HADHA: variants seen among roughly 807,000 people sequenced by gnomAD.
The protein encoded by HADHA is hydroxyacyl-CoA dehydrogenase trifunctional multienzyme complex subunit alpha.
Under a neutral mutation model 91.3 loss-of-function variants are expected in HADHA, and 59 were observed. The observed-to-expected ratio is 0.65, with a 90% confidence interval of 0.52 to 0.80. The LOEUF (loss-of-function observed/expected upper bound fraction) is 0.80, where lower values mean the gene tolerates loss of function less well. HADHA is among the 30% of genes least tolerant of loss of function. The pLI, the probability that HADHA is intolerant of heterozygous loss-of-function variation, is 0.00. For synonymous variants in HADHA, 320 were observed against 338.9 expected (o/e 0.94, Z 0.61); for missense variants, 800 against 927.6 (o/e 0.86, Z 1.79).
intron 1 of HADHA, among the ~76,000 whole-genome samples, chr2:26,242,578 G>A (rs565372477): frequency 2.0e-5 from 3 of 152,152 alleles, no homozygotes; most frequent in Admixed American, 1.3e-4. Flanking sequence ...AATATTTACT[G>A]AGTGCTTACT....
At chr2:26,223,511 G>C (rs966087562) in intron 7 of HADHA, among the ~76,000 whole-genome samples, 4 of 152,158 alleles carry the variant, frequency 2.6e-5, no homozygotes, top group African/African-American at 9.6e-5. Flanking sequence ...AAGGGGAGTA[G>C]AAATATCACC....
chr2:26,240,106 C>T (rs996857010), intron 1 of HADHA, among the ~76,000 whole-genome samples: 1 of 152,238 alleles, frequency 6.6e-6, no homozygotes, highest in Non-Finnish European at 1.5e-5. Flanking sequence ...ATTCTGTCTA[C>T]AGTGATCCTT....
At chr2:26,216,394 C>A (rs1456054271) in intron 7 of HADHA, among the ~76,000 whole-genome samples, 2 of 136,482 alleles carry the variant, frequency 1.5e-5, no homozygotes, top group African/African-American at 5.6e-5. Context: ...GATCTTGGCT[C>A]ACTGCAACCT....
chr2:26,213,403 G>A (rs183170181), intron 9 of HADHA, among the ~76,000 whole-genome samples: 1 of 152,284 alleles, frequency 6.6e-6, no homozygotes, highest in East Asian at 1.9e-4. Context: ...TCGGACAAAG[G>A]TAAAATTTCT....
chr2:26,243,119 T>C (rs1196761327), intron 1 of HADHA: 1 of 152,236 alleles, frequency 6.6e-6, no homozygotes, highest in Non-Finnish European at 1.5e-5. Context: ...TCTCAATCAT[T>C]CATTTTGCAG....
chr2:26,194,422 G>C, intron 16 of HADHA, 148 bp downstream of exon 16: 1 of 711,976 alleles, frequency 1.4e-6, no homozygotes, highest in Non-Finnish European at 2.6e-6. Flanking sequence ...TCCGACTGCT[G>C]TGCAGAGAGA....
In HADHA at chr2:26,229,127, G is replaced by C. The variant is rs938908341; in HGVS notation, c.676+1065C>G. ...TGGCTGAGGGAGGAGGATTACTTGA[G>C]CCCGGAGTTTGAGACTAGCCTGGAA... is the stretch of plus-strand genomic sequence containing the variant. On this transcript the variant is annotated intron_variant, in intron 7 of 19. Transcript: ENST00000380649. The surrounding 1 kb of genome is among the most constrained non-coding windows in gnomAD (Gnocchi z 4.3). Among the ~76,000 whole-genome samples the C allele has an allele frequency of 6.0e-4, 92 of 152,210 alleles. No individual in the cohort carries two copies. Among genetic ancestry groups the C allele is most frequent in the African/African-American group, 2.1e-3 (89 of 41,522 alleles).
At chr2:26,240,974 G>A (rs1670874538) in intron 1 of HADHA, among the ~76,000 whole-genome samples, 2 of 152,136 alleles carry the variant, frequency 1.3e-5, no homozygotes, top group African/African-American at 4.8e-5. Context: ...TTCCAAACCA[G>A]AGTCAACCAA....
chr2:26,212,194 C>A, intron 10 of HADHA: 1 of 313,338 alleles, frequency 3.2e-6, no homozygotes, highest in East Asian at 8.5e-5. Flanking sequence ...TCAAACAATT[C>A]TCCTGCCTCA....
chr2:26,198,367 A>C (rs1224007647), intron 13 of HADHA, among the ~76,000 whole-genome samples: 2 of 89,770 alleles, frequency 2.2e-5, no homozygotes, highest in Admixed American at 1.3e-4. Flanking sequence ...CAACTTATTC[A>C]TGTTTTTTTT....
intron 15 of HADHA, 135 bp from the exon 16 acceptor site, chr2:26,194,773 G>T: frequency 1.4e-6 from 1 of 736,286 alleles, no homozygotes; most frequent in Non-Finnish European, 2.5e-6. Flanking sequence ...ATCTCAATCA[G>T]AATCCTTAAA....
intron 7 of HADHA, 97 bp from the exon 8 acceptor site, chr2:26,215,272 A>G (rs1670188385): frequency 9.1e-7 from 1 of 1,093,144 alleles, no homozygotes; most frequent in African/African-American, 1.5e-5. Flanking sequence ...GCCCTAGCAC[A>G]GCGTTCCATT....
In HADHA at chr2:26,214,626, T is replaced by C; in HGVS notation, c.800-65A>G. Reference sequence around the variant, plus strand: ...CCTAGATTCCCTTGTTAGTTTATGCTCTAAACTCTATAAAAATGAAGTAAT... The same window carrying C: ...CCTAGATTCCCTTGTTAGTTTATGCCCTAAACTCTATAAAAATGAAGTAAT... On this transcript the variant is annotated intron_variant, in intron 8 of 19. Transcript: ENST00000380649. This position sits in a 1 kb window ranked among gnomAD's most constrained non-coding sequence, Gnocchi z 4.1. 1.2e-6 allele frequency: 1 copy of C among 854,902 alleles called. No homozygotes were observed. Among genetic ancestry groups the C allele is most frequent in the South Asian group, 1.3e-5 (1 of 75,070 alleles). 53.0% of individuals were successfully genotyped at this position (854,902 alleles called of 1,614,324 possible). A position where few individuals can be genotyped will look rare whatever the true frequency, so the allele number is the denominator to read the frequency against.
chr2:26,205,726 C>T (rs1669955424), intron 11 of HADHA, among the ~76,000 whole-genome samples: 2 of 152,068 alleles, frequency 1.3e-5, no homozygotes, highest in Non-Finnish European at 2.9e-5. Flanking sequence ...ATTGCTTCAA[C>T]CTGGGAGGCG....
chr2:26,192,211 T>TA (rs1669527321), intron 18 of HADHA, 99 bp downstream of exon 18: 1 of 710,132 alleles, frequency 1.4e-6, no homozygotes, highest in Non-Finnish European at 2.5e-6. Flanking sequence ...TCCCAGGACT[T>TA]AAAGTATTAA....
chr2:26,202,365 AATG>A (rs959963739), intron 12 of HADHA, among the ~76,000 whole-genome samples: 1 of 152,178 alleles, frequency 6.6e-6, no homozygotes, highest in Non-Finnish European at 1.5e-5. Flanking sequence ...CTAAATGAAG[AATG>A]AAGCTAAACC....
chr2:26,232,490 C>T (rs531705300), intron 5 of HADHA, among the ~76,000 whole-genome samples: 9 of 151,678 alleles, frequency 5.9e-5, no homozygotes, highest in African/African-American at 9.7e-5. Context: ...CTTTTTGGGC[C>T]GTAGATCTCC....
chr2:26,211,364 G>A (rs1670096530), intron 10 of HADHA, among the ~76,000 whole-genome samples: 1 of 151,446 alleles, frequency 6.6e-6, no homozygotes, highest in African/African-American at 2.4e-5. Context: ...TTTACAGGTT[G>A]AGCATCCCTA....
chr2:26,209,706 T>G (rs1670048903), intron 11 of HADHA, 74 bp downstream of exon 11: 1 of 814,192 alleles, frequency 1.2e-6, no homozygotes, highest in Admixed American at 1.7e-5. Context: ...TCTAGCTCTG[T>G]AGATCTTCAA....
Sources: gnomAD v4.1 joint callset for allele counts (sites outside exome capture counted in the v4.1 genomes callset) on GRCh38, gnomAD v4.1.1 for gene constraint, Gnocchi (gnomAD v3.1) non-coding constraint, MANE v1.5 for transcripts, NCBI Gene and HGNC (gene_info 2026-07-23, HGNC 2026-07-21) for gene names.